Variants in DNMBP observed in about 807,000 individuals in gnomAD.
DNMBP encodes dynamin-binding protein.
DNMBP carries 87 observed loss-of-function variants against 150.0 expected under a neutral mutation model. That is an observed-to-expected ratio of 0.58 (90% CI 0.49 to 0.69). The LOEUF is 0.69. DNMBP is among the 30% of genes least tolerant of loss of function. The probability of loss-of-function intolerance (pLI) is 0.00; values close to 1 mark genes in which losing one functional copy is unlikely to be tolerated. For missense variants in DNMBP, 1,774 were observed against 1,949.0 expected, an observed-to-expected ratio of 0.91 and a Z score of 1.69; for synonymous variants, 711 against 750.4, an observed-to-expected ratio of 0.95 and a Z score of 0.86.
intron 4 of DNMBP, among the ~76,000 whole-genome samples, chr10:99,940,613 C>T (rs2040284735): frequency 6.6e-6 from 1 of 152,208 alleles, no homozygotes; most frequent in Non-Finnish European, 1.5e-5. Flanking sequence ...TTACAAACGA[C>T]TTCCGCTGGC....
chr10:99,973,343 G>T lies in DNMBP; in HGVS notation c.-10-1209C>A, dbSNP rs181457391. Among the ~76,000 whole-genome samples the T allele has an allele frequency of 4.8e-3, 730 of 152,292 alleles. 7 individuals are homozygous for T. Among genetic ancestry groups the T allele is most frequent in the African/African-American group, 0.016 (677 of 41,562 alleles). ...CCCTAGACCTCTCAGTGATAGAAAA[G>T]ATTCAAGTGTCAGCAAATGTAGGCT... On this transcript the variant is annotated intron_variant, in intron 1 of 16. Transcript: ENST00000324109.
At chr10:99,964,468 A>G (rs993478996) in intron 3 of DNMBP, among the ~76,000 whole-genome samples, 1 of 128,522 alleles carries the variant, frequency 7.8e-6, no homozygotes, top group African/African-American at 3.0e-5. Context: ...ACTCCCCTCC[A>G]CCCCCCACCT....
chr10:99,991,458 A>G (rs1441473728), intron 1 of DNMBP, among the ~76,000 whole-genome samples: 1 of 151,914 alleles, frequency 6.6e-6, no homozygotes, highest in African/African-American at 2.4e-5. Flanking sequence ...GCAAACACTA[A>G]TCTACTTTCT....
chr10:99,971,844 C>CTTTA (rs2040680237), intron 2 of DNMBP, 136 bp downstream of exon 2: 2 of 908,382 alleles, frequency 2.2e-6, no homozygotes, highest in Non-Finnish European at 3.3e-6. Flanking sequence ...AATTTTCTTT[C>CTTTA]TTTCTTTCTT....
At chr10:99,880,387 C>G in intron 15 of DNMBP, 26 bp from the exon 16 acceptor site, 3 of 1,530,866 alleles carry the variant, frequency 2.0e-6, no homozygotes, top group Non-Finnish European at 2.6e-6. Context: ...GAAATATAAA[C>G]AAGAACTCTT....
chr10:99,935,248 C>T (rs2040215858), intron 4 of DNMBP, among the ~76,000 whole-genome samples: 1 of 152,000 alleles, frequency 6.6e-6, no homozygotes, highest in African/African-American at 2.4e-5. Context: ...TCATCATTAG[C>T]AAATGAACAT....
In DNMBP at chr10:99,883,908, G is replaced by T. The variant is rs529653981; in HGVS notation, c.3997+103C>A. 94 of 993,430 alleles carry T rather than the reference G, an allele frequency of 9.5e-5. No individual in the cohort carries two copies. In the African/African-American group the frequency reaches 1.2e-3, roughly 13 times the overall value. 61.5% of individuals were successfully genotyped at this position (993,430 alleles called of 1,614,324 possible). On this transcript the variant is annotated intron_variant, in intron 15 of 16. Coordinates refer to ENST00000324109, the MANE Select transcript of DNMBP (RefSeq NM_015221.4). ...CAGGTTATTTTTCCCCTTAATCAAAGATACTTTTTGCTTTTTTTTCCTGGC... is the reference window on the plus strand; with the variant it reads ...CAGGTTATTTTTCCCCTTAATCAAATATACTTTTTGCTTTTTTTTCCTGGC...
intron 4 of DNMBP, among the ~76,000 whole-genome samples, chr10:99,941,192 C>T: frequency 6.6e-6 from 1 of 151,790 alleles, no homozygotes; most frequent in East Asian, 2.0e-4. Flanking sequence ...GCGTCACTTG[C>T]CCCTTCGTGA....
chr10:99,955,191 C>T (rs1431008483), intron 4 of DNMBP, 23 bp downstream of exon 4: 60 of 1,588,586 alleles, frequency 3.8e-5, no homozygotes, highest in Non-Finnish European at 5.2e-5. Context: ...GAAACAATTA[C>T]ATATTATTTC....
intron 4 of DNMBP, among the ~76,000 whole-genome samples, chr10:99,942,725 C>A (rs1282494438): frequency 6.6e-6 from 1 of 152,192 alleles, no homozygotes; most frequent in Non-Finnish European, 1.5e-5. Context: ...AGCTACATTT[C>A]TTGACATACA....
intron 1 of DNMBP, among the ~76,000 whole-genome samples, chr10:99,981,336 C>A (rs1019889924): frequency 1.1e-4 from 16 of 152,186 alleles, no homozygotes; most frequent in Admixed American, 9.2e-4. Flanking sequence ...TATGCACCAC[C>A]ACACCCAGCT....
intron 1 of DNMBP, among the ~76,000 whole-genome samples, chr10:99,991,614 C>A (rs2040892060): frequency 6.6e-6 from 1 of 150,714 alleles, no homozygotes; most frequent in African/African-American, 2.4e-5. Context: ...ATCATGAAGA[C>A]CTTGAAAACA....
intron 3 of DNMBP, among the ~76,000 whole-genome samples, chr10:99,961,729 T>G (rs1195138918): frequency 7.2e-5 from 11 of 152,142 alleles, no homozygotes; most frequent in Non-Finnish European, 1.3e-4. Flanking sequence ...GGGCCAAACT[T>G]TTACCATGAA....
intron 3 of DNMBP, among the ~76,000 whole-genome samples, chr10:99,964,885 A>AATAT (rs67147502): frequency 2.2e-5 from 3 of 135,966 alleles, no homozygotes; most frequent in South Asian, 2.4e-4. Context: ...AAAAAAAAAA[A>AATAT]ATATATATAT....
chr10:99,894,948 G>T lies in DNMBP; in HGVS notation c.3154C>A (p.Arg1052=). 1 of 1,610,038 alleles carries T rather than the reference G, an allele frequency of 6.2e-7. No homozygotes were observed. Among genetic ancestry groups the T allele is most frequent in the Non-Finnish European group, 8.5e-7 (1 of 1,176,452 alleles). ...RDLSLYLQHI[R]ESACVKVVAA... ...ACTACAGTGATGTTGATGCTCACCC[G>T]GATGTGCTGGAGGTAGAGAGACAGG... Residue 1052 remains arginine, a splice_region_variant and synonymous_variant, in exon 11 of 17, where the codon CGG becomes AGG. Coordinates refer to ENST00000324109, the MANE Select transcript of DNMBP (RefSeq NM_015221.4).
intron 4 of DNMBP, among the ~76,000 whole-genome samples, chr10:99,942,792 A>G (rs1160211352): frequency 1.3e-5 from 2 of 152,194 alleles, no homozygotes; most frequent in African/African-American, 2.4e-5. Context: ...AACATAGCCT[A>G]TTAACGGGTT....
intron 4 of DNMBP, among the ~76,000 whole-genome samples, chr10:99,951,433 A>C (rs1486083259): frequency 6.6e-6 from 1 of 152,290 alleles, no homozygotes; most frequent in East Asian, 1.9e-4. Context: ...ATCCACCAAC[A>C]GCTTGCACCG....
intron 4 of DNMBP, chr10:99,927,134 T>G (rs954563529): frequency 1.3e-5 from 2 of 152,256 alleles, no homozygotes; most frequent in African/African-American, 4.8e-5. Context: ...AACAGAGCTC[T>G]GTCTCAGATG....
At chr10:99,932,436 A>G (rs1472673364) in intron 4 of DNMBP, among the ~76,000 whole-genome samples, 1 of 152,194 alleles carries the variant, frequency 6.6e-6, no homozygotes, top group Non-Finnish European at 1.5e-5. Context: ...CAGTCAAAGC[A>G]CATGTGTTGT....
Sources: allele counts gnomAD v4.1 joint callset (sites outside exome capture counted in the v4.1 genomes callset), GRCh38; gene constraint gnomAD v4.1.1; transcripts MANE v1.5; gene names NCBI Gene and HGNC (gene_info 2026-07-23, HGNC 2026-07-21).